DNAJC5: variants seen among roughly 807,000 people sequenced by gnomAD.
DNAJC5 encodes dnaJ homolog subfamily C member 5.
DNAJC5 carries 1 observed loss-of-function variant against 23.2 expected under a neutral mutation model. That is an observed-to-expected ratio of 0.04 (90% confidence interval 0.02 to 0.20). The LOEUF is 0.20. Among genes scored for constraint, DNAJC5 ranks in the 10% least tolerant of loss-of-function variants. The pLI is 1.00. For missense variants in DNAJC5, 180 were observed against 267.0 expected, an observed-to-expected ratio of 0.67 and a Z score of 2.27; for synonymous variants, 136 against 120.0, an observed-to-expected ratio of 1.13 and a Z score of -0.87.
chr20:63,917,531 G>T (rs954895362), intron 1 of DNAJC5, among the ~76,000 whole-genome samples: 2 of 141,776 alleles, frequency 1.4e-5, no homozygotes, highest in South Asian at 2.3e-4. Flanking sequence ...GGGATTATAG[G>T]CATGAGCCAC....
chr20:63,921,870 C>T (rs1479928835), intron 1 of DNAJC5, among the ~76,000 whole-genome samples: 1 of 151,990 alleles, frequency 6.6e-6, no homozygotes, highest in Non-Finnish European at 1.5e-5. Context: ...CCTCCTCCTC[C>T]CGGGTTCAAG....
chr20:63,914,444 C>G (rs928306400), intron 1 of DNAJC5, among the ~76,000 whole-genome samples: 2 of 151,232 alleles, frequency 1.3e-5, no homozygotes, highest in Admixed American at 6.6e-5. Context: ...TCTTCCGAGT[C>G]GCTGGGACTA....
chr20:63,902,827 C>T (rs964109141), intron 1 of DNAJC5, among the ~76,000 whole-genome samples: 6 of 151,322 alleles, frequency 4.0e-5, no homozygotes, highest in South Asian at 2.1e-4. Context: ...AGGCACCCGC[C>T]GCCACGCCCA....
chr20:63,921,079 C>T (rs1435066580), intron 1 of DNAJC5, among the ~76,000 whole-genome samples: 1 of 152,134 alleles, frequency 6.6e-6, no homozygotes, highest in African/African-American at 2.4e-5. Flanking sequence ...TCTACCTCAG[C>T]CTCCTGAGTA....
chr20:63,914,563 C>T (rs1354308019), intron 1 of DNAJC5, among the ~76,000 whole-genome samples: 3 of 151,170 alleles, frequency 2.0e-5, no homozygotes, highest in East Asian at 2.0e-4. Context: ...GTGATCCACC[C>T]GCCTCGGCCT....
At chr20:63,897,953 C>G (rs1422269587) in intron 1 of DNAJC5, among the ~76,000 whole-genome samples, 2 of 152,210 alleles carry the variant, frequency 1.3e-5, no homozygotes, top group Admixed American at 6.5e-5. Flanking sequence ...AGAGATTGAA[C>G]AGACGCTGCA....
Position 63,935,344 on chromosome 20 carries a change from G to C in DNAJC5, c.*3776G>C, listed in dbSNP as rs1367437804. 2 of 152,302 alleles carry C rather than the reference G, an allele frequency of 1.3e-5. No individual in the cohort carries two copies. Among genetic ancestry groups the C allele is most frequent in the African/African-American group, 4.8e-5 (2 of 41,454 alleles). 9.4% of individuals were successfully genotyped at this position (152,302 alleles called of 1,614,324 possible). A position where few individuals can be genotyped will look rare whatever the true frequency, so the allele number is the denominator to read the frequency against. ...GGACCTGCAGGAGGCTTTCCCAGCAGGTGCACAGAAGGAAGCGCTGAGCCC... is the reference window on the plus strand; with the variant it reads ...GGACCTGCAGGAGGCTTTCCCAGCACGTGCACAGAAGGAAGCGCTGAGCCC... On this transcript the variant is annotated 3_prime_UTR_variant, in exon 5 of 5. Coordinates refer to ENST00000360864, the MANE Select transcript of DNAJC5 (RefSeq NM_025219.3).
In DNAJC5 at chr20:63,931,468, C is replaced by T. The variant is rs747758089; in HGVS notation, c.497C>T (p.Ala166Val). Residue 166 changes from alanine (A) to valine (V), a missense_variant, in exon 5 of 5, where the codon GCC (alanine) becomes GTC (valine). Transcript: ENST00000360864. The surrounding 1 kb of genome is among the most constrained non-coding windows in gnomAD (Gnocchi z 9.6). ...GCCCTGTGTGCTTGCTTTTCAGAGG[C>T]CACAGACACGCCGATCGTCATACAG... ...EAQLQSDERE[A>V]TDTPIVIQPA... is the part of the protein sequence containing the mutation. 4 of 1,557,204 alleles carry T rather than the reference C, an allele frequency of 2.6e-6. No homozygotes were observed. In the East Asian group the frequency reaches 9.6e-5, roughly 37 times the overall value.
intron 1 of DNAJC5, among the ~76,000 whole-genome samples, chr20:63,918,851 C>A (rs561337113): frequency 6.3e-4 from 96 of 152,346 alleles, no homozygotes; most frequent in African/African-American, 2.2e-3. Context: ...GCCTTGGCCT[C>A]CCAAAGTGCT....
chr20:63,913,617 A>G (rs562659567), intron 1 of DNAJC5, among the ~76,000 whole-genome samples: 2 of 152,070 alleles, frequency 1.3e-5, no homozygotes, highest in Non-Finnish European at 2.9e-5. Context: ...TTTGTTGCCC[A>G]AGCTGGAGTG....
At position 63,925,712 on chromosome 20, in the gene DNAJC5, G is replaced by A. The variant is rs116379824; in HGVS notation, c.-11-2623G>A. 5.6e-3 allele frequency among the ~76,000 whole-genome samples: 796 copies of A among 143,206 alleles called. 4 individuals are homozygous for A. Among genetic ancestry groups the A allele is most frequent in the African/African-American group, 0.02 (749 of 38,220 alleles). 93.9% of individuals were successfully genotyped at this position (143,206 alleles called of 152,430 possible). A position where few individuals can be genotyped will look rare whatever the true frequency, so the allele number is the denominator to read the frequency against. On this transcript the variant is annotated intron_variant, in intron 1 of 4. Coordinates refer to ENST00000360864, the MANE Select transcript of DNAJC5 (RefSeq NM_025219.3). Reference sequence around the variant, plus strand: ...GCCTCCTGCCAGTATCACCGAGATCGCGTCACCGCACTCCAGCCTGGGCAA... The same window carrying A: ...GCCTCCTGCCAGTATCACCGAGATCACGTCACCGCACTCCAGCCTGGGCAA...
chr20:63,903,390 C>G (rs552573972), intron 1 of DNAJC5, among the ~76,000 whole-genome samples: 1 of 152,274 alleles, frequency 6.6e-6, no homozygotes, highest in Non-Finnish European at 1.5e-5. Flanking sequence ...ACACTGCAAC[C>G]TCCGCCTCCT....
chr20:63,917,441 T>C (rs950848861), intron 1 of DNAJC5, among the ~76,000 whole-genome samples: 1 of 152,104 alleles, frequency 6.6e-6, no homozygotes, highest in African/African-American at 2.4e-5. Flanking sequence ...TCTGTAGAGA[T>C]GGGGTTTCGC....
intron 1 of DNAJC5, among the ~76,000 whole-genome samples, chr20:63,916,782 C>T (rs578228375): frequency 1.3e-5 from 2 of 152,294 alleles, no homozygotes; most frequent in South Asian, 4.1e-4. Flanking sequence ...CCCAGGAATG[C>T]ATTCCTTTCC....
At chr20:63,914,577 A>G (rs944199128) in intron 1 of DNAJC5, among the ~76,000 whole-genome samples, 2 of 147,420 alleles carry the variant, frequency 1.4e-5, no homozygotes, top group Admixed American at 6.8e-5. Flanking sequence ...TCGGCCTCCC[A>G]AAGTGCTGGG....
intron 1 of DNAJC5, among the ~76,000 whole-genome samples, chr20:63,912,024 C>T (rs1180574562): frequency 6.6e-6 from 1 of 152,074 alleles, no homozygotes; most frequent in East Asian, 1.9e-4. Flanking sequence ...GAGGAAAGGC[C>T]TAGCACACTG....
At chr20:63,904,789 T>C (rs943745003) in intron 1 of DNAJC5, among the ~76,000 whole-genome samples, 1 of 151,434 alleles carries the variant, frequency 6.6e-6, no homozygotes, top group African/African-American at 2.4e-5. Context: ...TAATAAACTG[T>C]GGGGGTTTTT....
rs896698542 is a variant in DNAJC5 at position 63,934,759 on chromosome 20, G to C, written c.*3191G>C. On this transcript the variant is annotated 3_prime_UTR_variant, in exon 5 of 5. Coordinates refer to ENST00000360864, the MANE Select transcript of DNAJC5 (RefSeq NM_025219.3). Reference sequence around the variant, plus strand: ...AGGAACTGGCATGCACACGTGCCCAGCAGGAAAAGCTTCGTCTTCACGTCG... The same window carrying C: ...AGGAACTGGCATGCACACGTGCCCACCAGGAAAAGCTTCGTCTTCACGTCG... 2 of 152,298 alleles carry C rather than the reference G, an allele frequency of 1.3e-5. No individual in the cohort carries two copies. Among genetic ancestry groups the C allele is most frequent in the African/African-American group, 4.8e-5 (2 of 41,480 alleles). The allele number at this position is 152,298 out of a possible 1,614,324, so 9.4% of individuals were successfully genotyped here. A position where few individuals can be genotyped will look rare whatever the true frequency, so the allele number is the denominator to read the frequency against.
In DNAJC5 at chr20:63,911,971, G is replaced by C. The variant is rs2053485397; in HGVS notation, c.-11-16364G>C. Reference sequence around the variant, plus strand: ...GGGATTACAGGCATGAACTGCCATGGCCGGCTGGAAAGTCTTTACATTTGA... The same window carrying C: ...GGGATTACAGGCATGAACTGCCATGCCCGGCTGGAAAGTCTTTACATTTGA... On this transcript the variant is annotated intron_variant, in intron 1 of 4. Coordinates refer to ENST00000360864, the MANE Select transcript of DNAJC5 (RefSeq NM_025219.3). 3.3e-5 allele frequency among the ~76,000 whole-genome samples: 5 copies of C among 152,030 alleles called. No individual in the cohort carries two copies. The South Asian group carries it at 1.0e-3, about 32-fold the overall frequency.
Sources: gnomAD v4.1 joint callset for allele counts (sites outside exome capture counted in the v4.1 genomes callset) on GRCh38, gnomAD v4.1.1 for gene constraint, Gnocchi (gnomAD v3.1) non-coding constraint, MANE v1.5 for transcripts, NCBI Gene and HGNC (gene_info 2026-07-23, HGNC 2026-07-21) for gene names.